The following SPTBN1 variants were observed in gnomAD, a reference collection of about 807,000 sequenced individuals.
SPTBN1 encodes the protein spectrin beta, non-erythrocytic 1.
Under a neutral mutation model 266.4 loss-of-function variants are expected in SPTBN1, and 32 were observed. The observed-to-expected ratio is 0.12, with a 90% CI of 0.09 to 0.16. The LOEUF (loss-of-function observed/expected upper bound fraction) is 0.16, where lower values mean the gene tolerates loss of function less well. SPTBN1 is among the 10% of genes least tolerant of loss of function. The pLI, the probability that SPTBN1 is intolerant of heterozygous loss-of-function variation, is 1.00. For synonymous variants in SPTBN1, 1,336 were observed against 1,162.2 expected (o/e 1.15, Z -3.04); for missense variants, 2,296 against 3,067.1 (o/e 0.75, Z 5.94).
chr2:54,655,963 A>G lies in SPTBN1; in HGVS notation c.6011A>G (p.Asp2004Gly), dbSNP rs1478919561. The G allele has an allele frequency of 6.2e-7, 1 of 1,613,582 alleles. No individual in the cohort carries two copies. The highest frequency in any genetic ancestry group is 8.5e-7 in the Non-Finnish European group (1 of 1,179,674). ...QLTEKRKEMI[D>G]KWEDRWEWLR... ...ACGGAAAAGAGGAAAGAAATGATCGACAAGTGGGAAGACCGATGGGAATGG... is the reference window on the plus strand; with the variant it reads ...ACGGAAAAGAGGAAAGAAATGATCGGCAAGTGGGAAGACCGATGGGAATGG... The change falls in exon 29 of 36, where the codon GAC becomes GGC. Residue 2004 changes from aspartate (D) to glycine (G), a missense_variant. Coordinates refer to ENST00000356805, the MANE Select transcript of SPTBN1 (RefSeq NM_003128.3).
intron 2 of SPTBN1, among the ~76,000 whole-genome samples, chr2:54,571,576 TACACACAC>T (rs67239523): frequency 3.0e-5 from 3 of 100,656 alleles, no homozygotes; most frequent in African/African-American, 6.0e-5. Flanking sequence ...CACACACACA[TACACACAC>T]ACACACACAC....
Position 54,648,238 on chromosome 2 carries a change from T to G in SPTBN1, c.4998-748T>G, listed in dbSNP as rs189639299. On this transcript the variant is annotated intron_variant, in intron 24 of 35. Transcript: ENST00000356805. The stretch of plus-strand genomic sequence containing the variant: ...GAGATGAGGTCAGTGGCTCTGTTGG[T>G]GTAGGAGGTTCTTAAGATGTTCATG... Among the ~76,000 whole-genome samples the G allele has an allele frequency of 6.6e-4, 100 of 152,296 alleles. 1 individual carries two copies. The highest frequency in any genetic ancestry group is 1.9e-3 in the African/African-American group (81 of 41,556).
intron 1 of SPTBN1, among the ~76,000 whole-genome samples, chr2:54,498,625 A>G (rs953779017): frequency 6.6e-6 from 1 of 152,212 alleles, no homozygotes; most frequent in Non-Finnish European, 1.5e-5. Context: ...TGTTTCCTAA[A>G]TAACGCAACT....
chr2:54,654,878 G>T (rs1377307320), intron 27 of SPTBN1, among the ~76,000 whole-genome samples, 192 bp from the exon 28 acceptor site: 8 of 152,220 alleles, frequency 5.3e-5, no homozygotes, highest in African/African-American at 1.4e-4. Flanking sequence ...TACCTGGCTG[G>T]TACTGAACTG....
intron 3 of SPTBN1, among the ~76,000 whole-genome samples, chr2:54,606,302 T>C (rs1012608563): frequency 2.0e-5 from 3 of 152,308 alleles, no homozygotes; most frequent in Admixed American, 6.5e-5. Flanking sequence ...CCATCCACAC[T>C]GTCGCCTCCA....
intron 3 of SPTBN1, among the ~76,000 whole-genome samples, chr2:54,605,678 C>A (rs1220749477): frequency 6.6e-6 from 1 of 152,208 alleles, no homozygotes; most frequent in East Asian, 1.9e-4. Flanking sequence ...AGGTATTGTG[C>A]TTTAAAACAT....
chr2:54,588,714 A>G (rs575553666), intron 2 of SPTBN1, among the ~76,000 whole-genome samples: 6 of 152,318 alleles, frequency 3.9e-5, no homozygotes, highest in Admixed American at 1.3e-4. Context: ...TGCAGTTCCC[A>G]TCCTGTAGAG....
chr2:54,588,907 T>G (rs536649324), intron 2 of SPTBN1, among the ~76,000 whole-genome samples: 18 of 152,120 alleles, frequency 1.2e-4, no homozygotes, highest in Non-Finnish European at 2.1e-4. Flanking sequence ...ACACTATTGG[T>G]TTTTTTTGTT....
chr2:54,457,784 A>G (rs530329269), intron 1 of SPTBN1, among the ~76,000 whole-genome samples: 1 of 152,364 alleles, frequency 6.6e-6, no homozygotes, highest in African/African-American at 2.4e-5. Flanking sequence ...ATGTGGCGTC[A>G]GGAGGACCAG....
chr2:54,578,809 C>T (rs1469958319), intron 2 of SPTBN1, among the ~76,000 whole-genome samples: 2 of 151,294 alleles, frequency 1.3e-5, no homozygotes, highest in Non-Finnish European at 2.9e-5. Context: ...GTGTATGATG[C>T]TACTTCTGCC....
intron 1 of SPTBN1, among the ~76,000 whole-genome samples, chr2:54,522,701 A>AGAGAG (rs1558802720): frequency 4.3e-5 from 3 of 70,190 alleles, no homozygotes; most frequent in East Asian, 4.6e-4. Flanking sequence ...GAGAGAGAGA[A>AGAGAG]AGAAAGAAAG....
intron 2 of SPTBN1, among the ~76,000 whole-genome samples, chr2:54,531,409 G>C (rs1162968501): frequency 6.6e-6 from 1 of 152,106 alleles, no homozygotes; most frequent in Non-Finnish European, 1.5e-5. Context: ...TAGTATAGTA[G>C]GCAGGGTGTC....
intron 2 of SPTBN1, among the ~76,000 whole-genome samples, chr2:54,552,908 C>T (rs1672661110): frequency 6.6e-6 from 1 of 152,204 alleles, no homozygotes; most frequent in Non-Finnish European, 1.5e-5. Flanking sequence ...GGAAGTGCTC[C>T]TGACTGCTTC....
At chr2:54,529,642 T>C in intron 2 of SPTBN1, 1 of 714,796 alleles carries the variant, frequency 1.4e-6, no homozygotes, top group South Asian at 1.4e-5. Context: ...TTGTGTTCAC[T>C]GTGGATGTTA....
intron 2 of SPTBN1, among the ~76,000 whole-genome samples, chr2:54,595,536 C>T (rs955354713): frequency 2.6e-5 from 4 of 152,250 alleles, no homozygotes; most frequent in Admixed American, 6.5e-5. Context: ...CACCTCACAT[C>T]GCCCAGACCC....
Position 54,603,158 on chromosome 2 carries a change from A to G in SPTBN1, c.300+3915A>G, listed in dbSNP as rs549781382. 3.9e-5 allele frequency among the ~76,000 whole-genome samples: 6 copies of G among 152,220 alleles called. No individual in the cohort carries two copies. The South Asian group carries it at 1.2e-3, about 32-fold the overall frequency. On this transcript the variant is annotated intron_variant, in intron 3 of 35. Coordinates refer to ENST00000356805, the MANE Select transcript of SPTBN1 (RefSeq NM_003128.3). ...TCTGGACAGGATGTCAAGAAACCTT[A>G]GTAGGAGGGTAGGGTGTGGGTAGGG...
chr2:54,625,108 T>A, intron 11 of SPTBN1, 146 bp downstream of exon 11: 1 of 871,328 alleles, frequency 1.1e-6, no homozygotes, highest in Non-Finnish European at 1.7e-6. Flanking sequence ...CCCTTCCCAT[T>A]AAGAGGATGT....
intron 2 of SPTBN1, among the ~76,000 whole-genome samples, chr2:54,543,442 C>G (rs375898478): frequency 1.2e-4 from 19 of 152,148 alleles, no homozygotes; most frequent in African/African-American, 4.1e-4. Context: ...TGAGGAGAAG[C>G]CAAGGAGGAG....
intron 1 of SPTBN1, among the ~76,000 whole-genome samples, chr2:54,490,140 C>G (rs1193067081): frequency 6.7e-6 from 1 of 150,018 alleles, no homozygotes; most frequent in Non-Finnish European, 1.5e-5. Flanking sequence ...AGTGCAATCT[C>G]AGCTCACTGC....
Sources: gnomAD v4.1 joint callset for allele counts (sites outside exome capture counted in the v4.1 genomes callset) on GRCh38, gnomAD v4.1.1 for gene constraint, MANE v1.5 for transcripts, NCBI Gene and HGNC (gene_info 2026-07-23, HGNC 2026-07-21) for gene names.